The following PABPC4L variants were observed in gnomAD, a reference collection of about 807,000 sequenced individuals.
PABPC4L encodes the protein poly(A) binding protein cytoplasmic 4 like.
For synonymous variants in PABPC4L, 169 were observed against 164.1 expected (o/e 1.03, Z -0.23); for missense variants, 452 against 451.4 (o/e 1.00, Z -0.01).
chr4:134,032,448 G>T, the PABPC4L span, among the ~76,000 whole-genome samples: 3 of 151,728 alleles, frequency 2.0e-5, no homozygotes, highest in Non-Finnish European at 4.4e-5. Context: ...ACAGGAAGAA[G>T]AATCTGATTT....
chr4:134,173,752 A>G, the PABPC4L span, among the ~76,000 whole-genome samples: 1 of 152,154 alleles, frequency 6.6e-6, no homozygotes, highest in Admixed American at 6.5e-5. Flanking sequence ...GCTTGAGGTG[A>G]TTGATGCATA....
chr4:134,183,561 A>G, the PABPC4L span, among the ~76,000 whole-genome samples: 1 of 151,832 alleles, frequency 6.6e-6, no homozygotes, highest in Non-Finnish European at 1.5e-5. Flanking sequence ...AACCCCTGAG[A>G]CACAAAATTT....
the PABPC4L span, among the ~76,000 whole-genome samples, chr4:134,189,871 G>T: frequency 6.6e-6 from 1 of 152,112 alleles, no homozygotes. Context: ...AACCCCCTAG[G>T]TTAGGCTCTG....
chr4:134,024,811 C>CTTTT, the PABPC4L span, among the ~76,000 whole-genome samples: 1 of 124,406 alleles, frequency 8.0e-6, no homozygotes, highest in Non-Finnish European at 1.7e-5. Flanking sequence ...AATAAACTAG[C>CTTTT]TTTTTTTTTT....
chr4:134,177,045 C>T, the PABPC4L span, among the ~76,000 whole-genome samples: 3 of 152,094 alleles, frequency 2.0e-5, no homozygotes, highest in Non-Finnish European at 4.4e-5. Flanking sequence ...CCGGATAGGG[C>T]TTGGTGGCAG....
chr4:134,186,101 G>T, the PABPC4L span, among the ~76,000 whole-genome samples: 1 of 152,066 alleles, frequency 6.6e-6, no homozygotes, highest in Non-Finnish European at 1.5e-5. Context: ...TGTGAAAATG[G>T]CCATACTGTC....
chr4:134,131,714 CAAAAAAAAAA>C, the PABPC4L span, among the ~76,000 whole-genome samples: 6 of 10,670 alleles, frequency 5.6e-4, no homozygotes, highest in South Asian at 4.0e-3. Context: ...CCTGTGAAAC[CAAAAAAAAAA>C]AAAAAAAAAA....
At chr4:133,956,534 C>T in the PABPC4L span, among the ~76,000 whole-genome samples, 5 of 152,110 alleles carry the variant, frequency 3.3e-5, no homozygotes, top group Non-Finnish European at 7.4e-5. Context: ...AGGATGGTCA[C>T]TCTCTGACCT....
At chr4:134,164,752 T>C in the PABPC4L span, among the ~76,000 whole-genome samples, 2 of 152,216 alleles carry the variant, frequency 1.3e-5, no homozygotes, top group South Asian at 4.1e-4. Context: ...ACCACCATTT[T>C]TTCACAGAAT....
the PABPC4L span, among the ~76,000 whole-genome samples, chr4:134,148,747 G>T: frequency 6.6e-6 from 1 of 151,972 alleles, no homozygotes; most frequent in Non-Finnish European, 1.5e-5. Flanking sequence ...AAAAATTATG[G>T]TCTGTTATCC....
At chr4:133,964,216 T>C in the PABPC4L span, among the ~76,000 whole-genome samples, 3 of 152,114 alleles carry the variant, frequency 2.0e-5, no homozygotes, top group African/African-American at 7.2e-5. Flanking sequence ...ACTTGAAACG[T>C]AGAAGAGATA....
At chr4:134,065,985 G>T in the PABPC4L span, among the ~76,000 whole-genome samples, 1 of 151,960 alleles carries the variant, frequency 6.6e-6, no homozygotes, top group East Asian at 1.9e-4. Flanking sequence ...CTGTTTTTGT[G>T]CCAGAACCAT....
At chr4:133,974,710 A>C in the PABPC4L span, among the ~76,000 whole-genome samples, 1 of 152,264 alleles carries the variant, frequency 6.6e-6, no homozygotes, top group Admixed American at 6.5e-5. Context: ...AGGGTCAAGT[A>C]ATTTTAACAT....
chr4:134,185,213 C>T, the PABPC4L span, among the ~76,000 whole-genome samples: 30 of 151,526 alleles, frequency 2.0e-4, no homozygotes, highest in Non-Finnish European at 3.4e-4. Context: ...TCTAAATAGT[C>T]ATGTCACTCT....
chr4:134,068,030 T>C, the PABPC4L span, among the ~76,000 whole-genome samples: 2 of 152,252 alleles, frequency 1.3e-5, no homozygotes, highest in South Asian at 2.1e-4. Flanking sequence ...AGATATTTGT[T>C]AGGTCCATTT....
chr4:134,078,318 C>T, the PABPC4L span, among the ~76,000 whole-genome samples: 1 of 152,092 alleles, frequency 6.6e-6, no homozygotes, highest in Non-Finnish European at 1.5e-5. Context: ...AAATAACAGA[C>T]GTGGGCTGCT....
the PABPC4L span, among the ~76,000 whole-genome samples, chr4:133,972,099 C>G: frequency 6.6e-6 from 1 of 152,134 alleles, no homozygotes. Context: ...AATTACTGCA[C>G]CTAATTGAAT....
At chr4:134,024,518 G>A in the PABPC4L span, among the ~76,000 whole-genome samples, 1 of 152,080 alleles carries the variant, frequency 6.6e-6, no homozygotes, top group Non-Finnish European at 1.5e-5. Context: ...TGAAGAGGGA[G>A]AGCTGTCTGG....
the PABPC4L span, among the ~76,000 whole-genome samples, chr4:134,156,167 T>G: frequency 6.6e-6 from 1 of 151,956 alleles, no homozygotes; most frequent in Admixed American, 6.6e-5. Context: ...CATGTTCATT[T>G]TATAATAGAA....
Sources: gnomAD v4.1 joint callset for allele counts (sites outside exome capture counted in the v4.1 genomes callset) on GRCh38, gnomAD v4.1.1 for gene constraint, MANE v1.5 for transcripts, NCBI Gene and HGNC (gene_info 2026-07-23, HGNC 2026-07-21) for gene names.